The following CNTNAP5 variants were observed in gnomAD, a reference collection of about 807,000 sequenced individuals.
CNTNAP5 encodes contactin-associated protein-like 5.
CNTNAP5 carries 72 observed loss-of-function variants against 150.2 expected under a neutral mutation model. That is an observed-to-expected ratio of 0.48 (90% CI 0.40 to 0.58). The LOEUF is 0.58. CNTNAP5 is among the 20% of genes least tolerant of loss of function. The pLI is 0.00. For missense variants in CNTNAP5, 1,636 were observed against 1,626.2 expected, an observed-to-expected ratio of 1.01 and a Z score of -0.10; for synonymous variants, 672 against 619.8, an observed-to-expected ratio of 1.08 and a Z score of -1.25.
chr2:124,874,441 C>A (rs1677812680), intron 21 of CNTNAP5, among the ~76,000 whole-genome samples: 1 of 152,108 alleles, frequency 6.6e-6, no homozygotes, highest in South Asian at 2.1e-4. Flanking sequence ...GGCCCTGTCA[C>A]AAGAGCGTAG....
At chr2:124,886,489 T>A (rs1319246520) in intron 21 of CNTNAP5, among the ~76,000 whole-genome samples, 1 of 152,042 alleles carries the variant, frequency 6.6e-6, no homozygotes, top group Non-Finnish European at 1.5e-5. Flanking sequence ...TGCATGAAAA[T>A]GTTATGAACT....
At chr2:124,098,126 G>A (rs1682983307) in intron 1 of CNTNAP5, among the ~76,000 whole-genome samples, 1 of 152,220 alleles carries the variant, frequency 6.6e-6, no homozygotes, top group African/African-American at 2.4e-5. Context: ...AGAAGCCTCA[G>A]TGATCACGTA....
chr2:124,710,296 T>C (rs1245903402), intron 13 of CNTNAP5, among the ~76,000 whole-genome samples: 3 of 152,178 alleles, frequency 2.0e-5, no homozygotes, highest in Non-Finnish European at 4.4e-5. Flanking sequence ...TTAAAAGCAC[T>C]GTATGGGCAA....
At chr2:124,719,707 TC>T (rs1414264831) in intron 13 of CNTNAP5, among the ~76,000 whole-genome samples, 1 of 152,192 alleles carries the variant, frequency 6.6e-6, no homozygotes, top group Non-Finnish European at 1.5e-5. Context: ...TTTTTTTAAC[TC>T]TCAATAATAC....
intron 3 of CNTNAP5, among the ~76,000 whole-genome samples, chr2:124,370,022 T>C (rs1690482077): frequency 1.3e-5 from 2 of 152,114 alleles, no homozygotes; most frequent in South Asian, 4.1e-4. Context: ...ACACAATATT[T>C]TTACATAATC....
intron 3 of CNTNAP5, 151 bp downstream of exon 3, chr2:124,242,544 T>C: frequency 1.4e-6 from 1 of 701,502 alleles, no homozygotes; most frequent in Non-Finnish European, 2.3e-6. Flanking sequence ...TTAAGGCCCA[T>C]GCCCGGCATG....
At chr2:124,047,484 T>C (rs1025545631) in intron 1 of CNTNAP5, among the ~76,000 whole-genome samples, 2 of 152,198 alleles carry the variant, frequency 1.3e-5, no homozygotes, top group African/African-American at 4.8e-5. Context: ...CAACATCACT[T>C]CACATGACCT....
intron 17 of CNTNAP5, among the ~76,000 whole-genome samples, chr2:124,779,550 T>C (rs1681404384): frequency 6.6e-6 from 1 of 152,176 alleles, no homozygotes; most frequent in Non-Finnish European, 1.5e-5. Flanking sequence ...CACATGCTTC[T>C]TTTAAATCAA....
intron 2 of CNTNAP5, among the ~76,000 whole-genome samples, chr2:124,229,173 A>G (rs1558810680): frequency 6.6e-6 from 1 of 152,196 alleles, no homozygotes; most frequent in Non-Finnish European, 1.5e-5. Context: ...ATTGAAATAA[A>G]GACTAAAGGA....
chr2:124,713,257 C>A (rs913704188), intron 13 of CNTNAP5, among the ~76,000 whole-genome samples: 2 of 100,908 alleles, frequency 2.0e-5, no homozygotes, highest in African/African-American at 6.7e-5. Flanking sequence ...TTCTTTCTTT[C>A]TTTCTTTCTT....
chr2:124,151,891 TA>T (rs1225976655), intron 1 of CNTNAP5, among the ~76,000 whole-genome samples: 1 of 152,200 alleles, frequency 6.6e-6, no homozygotes, highest in Non-Finnish European at 1.5e-5. Flanking sequence ...AACCAAGAAC[TA>T]ATTATCTCGT....
chr2:124,719,113 C>G (rs1316373413), intron 13 of CNTNAP5, among the ~76,000 whole-genome samples: 1 of 152,008 alleles, frequency 6.6e-6, no homozygotes, highest in East Asian at 1.9e-4. Flanking sequence ...CTGTCAAGGC[C>G]AGGTTTAAAT....
intron 3 of CNTNAP5, among the ~76,000 whole-genome samples, chr2:124,335,588 T>C (rs1689449540): frequency 6.7e-6 from 1 of 149,932 alleles, no homozygotes; most frequent in African/African-American, 2.5e-5. Context: ...ATATTCATAC[T>C]AGATATAAAC....
At chr2:124,358,728 G>A (rs1429750913) in intron 3 of CNTNAP5, among the ~76,000 whole-genome samples, 1 of 152,052 alleles carries the variant, frequency 6.6e-6, no homozygotes, top group Non-Finnish European at 1.5e-5. Context: ...GAGGATTTTT[G>A]CATCAATGTT....
chr2:124,369,105 C>A (rs767671628), intron 3 of CNTNAP5, among the ~76,000 whole-genome samples: 2 of 152,014 alleles, frequency 1.3e-5, no homozygotes, highest in African/African-American at 4.8e-5. Flanking sequence ...CTTGGTGGAC[C>A]CCTGGCTGTC....
intron 3 of CNTNAP5, among the ~76,000 whole-genome samples, chr2:124,358,101 C>G (rs1471584387): frequency 2.6e-5 from 4 of 151,856 alleles, no homozygotes; most frequent in African/African-American, 9.7e-5. Context: ...TGGTTTGGCT[C>G]TCTGTCTGTT....
intron 14 of CNTNAP5, among the ~76,000 whole-genome samples, chr2:124,757,845 T>TA (rs956272367): frequency 1.1e-4 from 16 of 152,120 alleles, no homozygotes; most frequent in Non-Finnish European, 1.8e-4. Flanking sequence ...TCTTATTTTT[T>TA]AAAAAATAGT....
chr2:124,276,361 T>A (rs1329529035), intron 3 of CNTNAP5, among the ~76,000 whole-genome samples: 1 of 152,196 alleles, frequency 6.6e-6, no homozygotes, highest in African/African-American at 2.4e-5. Flanking sequence ...TATCCCTGCT[T>A]TTAACATAAA....
Position 124,447,032 on chromosome 2 carries a change from G to A in CNTNAP5, c.918+95G>A. On this transcript the variant is annotated intron_variant, in intron 6 of 23. Transcript: ENST00000682447. The stretch of plus-strand genomic sequence containing the variant: ...GCAGACCAACTGAGAGAAGTGGTGG[G>A]GCACTGAGGAGTCTTACCCTGGGAC... The A allele has an allele frequency of 7.3e-6, 9 of 1,229,442 alleles. No individual in the cohort carries two copies. In the South Asian group the frequency reaches 1.1e-4, roughly 15 times the overall value. 76.2% of individuals were successfully genotyped at this position (1,229,442 alleles called of 1,614,324 possible). A position where few individuals can be genotyped will look rare whatever the true frequency, so the allele number is the denominator to read the frequency against.
Sources: gnomAD v4.1 joint callset for allele counts (sites outside exome capture counted in the v4.1 genomes callset) on GRCh38, gnomAD v4.1.1 for gene constraint, MANE v1.5 for transcripts, NCBI Gene and HGNC (gene_info 2026-07-23, HGNC 2026-07-21) for gene names.